The following CACNA2D3 variants were observed in gnomAD, a reference collection of about 807,000 sequenced individuals.
CACNA2D3 encodes the protein calcium voltage-gated channel auxiliary subunit alpha2delta 3.
CACNA2D3 carries 60 observed loss-of-function variants against 160.6 expected under a neutral mutation model. The observed-to-expected ratio is 0.37, with a 90% CI of 0.30 to 0.46. The LOEUF is 0.46. Ranked by LOEUF, CACNA2D3 falls within the 20% of genes least tolerant of loss-of-function variation. The pLI, the probability that CACNA2D3 is intolerant of heterozygous loss-of-function variation, is 1.00. For synonymous variants in CACNA2D3, 558 were observed against 492.9 expected (o/e 1.13, Z -1.75); for missense variants, 1,205 against 1,365.0 (o/e 0.88, Z 1.85).
At chr3:54,766,411 A>C (rs1702224687) in intron 13 of CACNA2D3, among the ~76,000 whole-genome samples, 1 of 152,182 alleles carries the variant, frequency 6.6e-6, no homozygotes, top group Non-Finnish European at 1.5e-5. Context: ...ATTAAACTAT[A>C]ATGAGATACC....
At chr3:55,055,482 G>A (rs1021860256) in intron 35 of CACNA2D3, among the ~76,000 whole-genome samples, 1 of 152,008 alleles carries the variant, frequency 6.6e-6, no homozygotes, top group Admixed American at 6.5e-5. Context: ...ATGTAGTATG[G>A]TGTCTCCAGC....
At chr3:54,404,218 T>C (rs1265576300) in intron 4 of CACNA2D3, among the ~76,000 whole-genome samples, 1 of 152,146 alleles carries the variant, frequency 6.6e-6, no homozygotes, top group Non-Finnish European at 1.5e-5. Context: ...TCAATATCTC[T>C]GATGAATATT....
At chr3:54,833,399 G>A (rs1703920498) in intron 14 of CACNA2D3, among the ~76,000 whole-genome samples, 1 of 152,094 alleles carries the variant, frequency 6.6e-6, no homozygotes, top group African/African-American at 2.4e-5. Context: ...CTACCCCTTG[G>A]AAAATGAATG....
intron 3 of CACNA2D3, among the ~76,000 whole-genome samples, chr3:54,360,716 T>C (rs1010013136): frequency 5.9e-5 from 9 of 152,224 alleles, no homozygotes; most frequent in Non-Finnish European, 1.3e-4. Flanking sequence ...AGTAACTTTC[T>C]ACACATATTT....
chr3:54,885,208 T>A, intron 21 of CACNA2D3, 73 bp from the exon 22 acceptor site: 1 of 1,538,228 alleles, frequency 6.5e-7, no homozygotes. Context: ...AGCCCTACCC[T>A]AGAATATTTG....
intron 10 of CACNA2D3, among the ~76,000 whole-genome samples, chr3:54,640,402 G>T (rs1427557999): frequency 6.6e-6 from 1 of 152,114 alleles, no homozygotes; most frequent in Non-Finnish European, 1.5e-5. Flanking sequence ...GTAATTGTAG[G>T]GATTTTAAAG....
intron 2 of CACNA2D3, among the ~76,000 whole-genome samples, chr3:54,241,393 A>G (rs927367071): frequency 6.6e-6 from 1 of 152,160 alleles, no homozygotes; most frequent in Non-Finnish European, 1.5e-5. Context: ...TAGAAGAGAA[A>G]AGCCAGCACA....
chr3:54,788,675 G>C (rs1457759919), intron 13 of CACNA2D3, among the ~76,000 whole-genome samples: 1 of 152,158 alleles, frequency 6.6e-6, no homozygotes, highest in African/African-American at 2.4e-5. Context: ...TCCAGCCTGT[G>C]CTCTGCCATG....
At chr3:54,774,264 GAA>G (rs1032440376) in intron 13 of CACNA2D3, among the ~76,000 whole-genome samples, 3 of 152,128 alleles carry the variant, frequency 2.0e-5, no homozygotes, top group African/African-American at 4.8e-5. Context: ...AATTTATAAC[GAA>G]AAGAGGTTTA....
At chr3:55,023,565 T>G (rs2107166660) in intron 35 of CACNA2D3, among the ~76,000 whole-genome samples, 1 of 152,136 alleles carries the variant, frequency 6.6e-6, no homozygotes, top group African/African-American at 2.4e-5. Context: ...TCTATCTGTG[T>G]TTTTCCATGT....
At chr3:54,940,498 C>G (rs1701438417) in intron 27 of CACNA2D3, among the ~76,000 whole-genome samples, 1 of 152,162 alleles carries the variant, frequency 6.6e-6, no homozygotes, top group African/African-American at 2.4e-5. Context: ...AGCTTCGGGC[C>G]ATGTGTTTTA....
intron 27 of CACNA2D3, among the ~76,000 whole-genome samples, chr3:54,920,033 C>G (rs1442042006): frequency 6.6e-6 from 1 of 152,166 alleles, no homozygotes; most frequent in East Asian, 1.9e-4. Flanking sequence ...GCACCTTGGC[C>G]CTCTCAGGCT....
intron 34 of CACNA2D3, among the ~76,000 whole-genome samples, chr3:55,016,102 C>G (rs1390683151): frequency 6.6e-6 from 1 of 152,184 alleles, no homozygotes; most frequent in Non-Finnish European, 1.5e-5. Flanking sequence ...CTCCAATGAG[C>G]TAGCATCTTG....
rs397961895 is a variant in CACNA2D3, at chr3:54,165,114, ATTTT to A, written c.204+41537_204+41540del. Among the ~76,000 whole-genome samples, 110 of 117,858 alleles carry A rather than the reference ATTTT, an allele frequency of 9.3e-4. 1 individual carries two copies. The highest frequency in any genetic ancestry group is 4.0e-3 in the South Asian group (13 of 3,264). 77.3% of individuals were successfully genotyped at this position (117,858 alleles called of 152,430 possible). A position where few individuals can be genotyped will look rare whatever the true frequency, so the allele number is the denominator to read the frequency against. ...AGAATGCTTGACTTCTCTGAATCTC[ATTTT>A]TTTTTTTTTTTTTTTTGTCAAACAA... On this transcript the variant is annotated intron_variant, in intron 2 of 37. Coordinates refer to ENST00000474759, the MANE Select transcript of CACNA2D3 (RefSeq NM_018398.3).
chr3:54,554,571 C>T (rs1022739516), intron 5 of CACNA2D3, among the ~76,000 whole-genome samples: 2 of 152,072 alleles, frequency 1.3e-5, no homozygotes, highest in Non-Finnish European at 2.9e-5. Flanking sequence ...TGTATGCAGT[C>T]CTCCCACCAC....
chr3:54,380,756 C>T (rs573603225), intron 3 of CACNA2D3, among the ~76,000 whole-genome samples: 8 of 116,124 alleles, frequency 6.9e-5, no homozygotes, highest in African/African-American at 9.9e-5. Flanking sequence ...AAACAAAAGC[C>T]ACTGAATCTA....
chr3:54,472,060 A>G (rs1468372762), intron 4 of CACNA2D3, among the ~76,000 whole-genome samples: 1 of 152,240 alleles, frequency 6.6e-6, no homozygotes, highest in African/African-American at 2.4e-5. Flanking sequence ...GGCCAGCATC[A>G]TCCTGATACC....
intron 27 of CACNA2D3, among the ~76,000 whole-genome samples, chr3:54,920,714 C>T (rs544292334): frequency 3.9e-4 from 60 of 152,202 alleles, no homozygotes; most frequent in Non-Finnish European, 7.5e-4. Context: ...GAGAAGTAGT[C>T]GTGATATTTA....
At position 54,203,576 on chromosome 3, in the gene CACNA2D3, T is replaced by A. The variant is rs929833050; in HGVS notation, c.204+79982T>A. On this transcript the variant is annotated intron_variant, in intron 2 of 37. Coordinates refer to ENST00000474759, the MANE Select transcript of CACNA2D3 (RefSeq NM_018398.3). ...AGCTTGGAAAATGAGGGCAAAGTTT[T>A]ATTGAGTGGAAGCAGCTCTCCGCTG... 3.9e-5 allele frequency among the ~76,000 whole-genome samples: 6 copies of A among 152,318 alleles called. No individual in the cohort carries two copies. In the East Asian group the frequency reaches 9.7e-4, roughly 25 times the overall value.
Sources: allele counts gnomAD v4.1 joint callset (sites outside exome capture counted in the v4.1 genomes callset), GRCh38; gene constraint gnomAD v4.1.1; transcripts MANE v1.5; gene names NCBI Gene and HGNC (gene_info 2026-07-23, HGNC 2026-07-21).